The following KLHDC1 variants were observed in gnomAD, a reference collection of about 807,000 sequenced individuals.
KLHDC1 encodes the protein kelch domain containing 1.
Under a neutral mutation model 68.3 loss-of-function variants are expected in KLHDC1, and 53 were observed. The ratio of observed to expected loss-of-function variants is 0.78; its 90% confidence interval spans 0.62 to 0.98. The LOEUF (loss-of-function observed/expected upper bound fraction) is 0.98. Ranked by LOEUF, KLHDC1 falls within the 50% of genes least tolerant of loss-of-function variation. KLHDC1 has a pLI of 0.00. For synonymous variants in KLHDC1, 148 were observed against 159.0 expected (o/e 0.93, Z 0.52); for missense variants, 470 against 492.3 (o/e 0.95, Z 0.43).
intron 11 of KLHDC1, 148 bp from the exon 12 acceptor site, chr14:49,743,605 G>A: frequency 3.6e-6 from 2 of 561,792 alleles, no homozygotes; most frequent in Non-Finnish European, 6.4e-6. Flanking sequence ...GTGTGTGCAT[G>A]AATTTATGTG....
intron 1 of KLHDC1, among the ~76,000 whole-genome samples, chr14:49,697,170 C>A (rs1007927015): frequency 4.6e-5 from 7 of 152,148 alleles, no homozygotes; most frequent in Non-Finnish European, 7.4e-5. Flanking sequence ...CTCCTGACCT[C>A]GTGATCCGCC....
chr14:49,693,359 C>G, intron 1 of KLHDC1, 69 bp downstream of exon 1: 2 of 1,114,790 alleles, frequency 1.8e-6, no homozygotes, highest in South Asian at 4.5e-5. Flanking sequence ...ACGCAGCGCC[C>G]GCCACACCCG....
intron 1 of KLHDC1, among the ~76,000 whole-genome samples, chr14:49,700,409 C>G (rs1052351018): frequency 4.6e-5 from 7 of 151,974 alleles, no homozygotes; most frequent in Non-Finnish European, 8.8e-5. Flanking sequence ...ATAGCAAGAC[C>G]CTTGTCTCTG....
At chr14:49,735,365 AT>A (rs1258297555) in intron 10 of KLHDC1, among the ~76,000 whole-genome samples, 8 of 152,010 alleles carry the variant, frequency 5.3e-5, no homozygotes, top group African/African-American at 1.7e-4. Context: ...GTATTTTAGA[AT>A]TTTAAAAATA....
intron 4 of KLHDC1, among the ~76,000 whole-genome samples, chr14:49,715,759 AAAAAAAAT>A (rs1452264153): frequency 3.2e-4 from 33 of 103,162 alleles, no homozygotes; most frequent in South Asian, 3.2e-4. Flanking sequence ...AAAAAAAAAA[AAAAAAAAT>A]ATATATATAT....
At chr14:49,740,704 A>G (rs1019394553) in intron 11 of KLHDC1, among the ~76,000 whole-genome samples, 5 of 152,160 alleles carry the variant, frequency 3.3e-5, no homozygotes, top group African/African-American at 1.2e-4. Context: ...TAGGTCTATT[A>G]GTTTGATTAG....
chr14:49,747,112 A>T (rs912202043), intron 12 of KLHDC1, among the ~76,000 whole-genome samples: 2 of 152,014 alleles, frequency 1.3e-5, no homozygotes, highest in Non-Finnish European at 2.9e-5. Flanking sequence ...ACACCCGGCT[A>T]ATTTTTTGTA....
chr14:49,718,664 GCT>G (rs772470102), intron 4 of KLHDC1, among the ~76,000 whole-genome samples: 2 of 150,928 alleles, frequency 1.3e-5, no homozygotes, highest in African/African-American at 2.4e-5. Context: ...ATTTGAATCT[GCT>G]CTCTTTTTTC....
At position 49,752,482 on chromosome 14, in the gene KLHDC1, G is replaced by T. The variant is rs2139774913; in HGVS notation, c.*710G>T. The T allele has an allele frequency of 2.6e-5, 4 of 152,532 alleles. 2 individuals carry two copies. The Middle Eastern group carries it at 0.014, about 519-fold the overall frequency. 9.4% of individuals were successfully genotyped at this position (152,532 alleles called of 1,614,324 possible). A position where few individuals can be genotyped will look rare whatever the true frequency, so the allele number is the denominator to read the frequency against. ...AAGTGGAGGTTTATTTATCATACAG[G>T]CTTTGAAACATTAAGAAGCAGTATT... On this transcript the variant is annotated 3_prime_UTR_variant, in exon 13 of 13. Coordinates refer to ENST00000359332, the MANE Select transcript of KLHDC1 (RefSeq NM_172193.3).
At chr14:49,703,991 A>G (rs1041021944) in intron 1 of KLHDC1, among the ~76,000 whole-genome samples, 12 of 152,234 alleles carry the variant, frequency 7.9e-5, no homozygotes, top group African/African-American at 2.9e-4. Flanking sequence ...ATGTTGGATC[A>G]CTTGATATGC....
At chr14:49,701,180 T>C (rs996272599) in intron 1 of KLHDC1, among the ~76,000 whole-genome samples, 1 of 151,986 alleles carries the variant, frequency 6.6e-6, no homozygotes, top group Non-Finnish European at 1.5e-5. Context: ...ATTTCAAATC[T>C]GGGAAAATGA....
chr14:49,702,999 C>T (rs1369531059), intron 1 of KLHDC1, among the ~76,000 whole-genome samples: 1 of 152,166 alleles, frequency 6.6e-6, no homozygotes, highest in Non-Finnish European at 1.5e-5. Context: ...GCTGGTTCTC[C>T]AGCCTCCCTG....
intron 4 of KLHDC1, among the ~76,000 whole-genome samples, chr14:49,711,999 C>T (rs1176029732): frequency 7.1e-6 from 1 of 141,344 alleles, no homozygotes; most frequent in Non-Finnish European, 1.5e-5. Flanking sequence ...CTCACTGTAA[C>T]CTCTGCCTCC....
In KLHDC1 at chr14:49,725,769, A is replaced by G; in HGVS notation, c.567A>G (p.Lys189=). ...AGACTTGGTTTCAACCAGAAATTAA[A>G]GTAAGTGTGGTAAAAAGTCATCTTT... ...KTQTWFQPEI[K]GGVPPQPRAA... is the part of the protein sequence containing the mutation. The change falls in exon 6 of 13, where the codon AAA becomes AAG. Residue 189 remains lysine (K), a splice_region_variant and synonymous_variant. Coordinates refer to ENST00000359332, the MANE Select transcript of KLHDC1 (RefSeq NM_172193.3). 6.7e-7 allele frequency: 1 copy of G among 1,501,504 alleles called. No individual in the cohort carries two copies. Among genetic ancestry groups the G allele is most frequent in the East Asian group, 2.3e-5 (1 of 43,862 alleles). The allele number at this position is 1,501,504 out of a possible 1,614,324, so 93.0% of individuals were successfully genotyped here. A position where few individuals can be genotyped will look rare whatever the true frequency, so the allele number is the denominator to read the frequency against.
At chr14:49,717,553 T>C (rs1888412168) in intron 4 of KLHDC1, among the ~76,000 whole-genome samples, 1 of 152,172 alleles carries the variant, frequency 6.6e-6, no homozygotes, top group African/African-American at 2.4e-5. Context: ...AAAAAATGAG[T>C]CGTCTGTCTT....
intron 1 of KLHDC1, among the ~76,000 whole-genome samples, chr14:49,699,784 C>T (rs1290674956): frequency 6.6e-6 from 1 of 152,074 alleles, no homozygotes; most frequent in East Asian, 1.9e-4. Flanking sequence ...AGTAAATGGT[C>T]GATTCTAATT....
intron 1 of KLHDC1, among the ~76,000 whole-genome samples, chr14:49,699,360 A>G (rs548442115): frequency 5.9e-5 from 9 of 152,008 alleles, no homozygotes; most frequent in Admixed American, 2.6e-4. Context: ...TGTCTAAGGC[A>G]TAAGTGGAAG....
intron 1 of KLHDC1, among the ~76,000 whole-genome samples, chr14:49,700,754 G>A (rs898927009): frequency 2.0e-5 from 3 of 152,168 alleles, no homozygotes; most frequent in Non-Finnish European, 4.4e-5. Flanking sequence ...TTGACTTGAT[G>A]CAAGTAGAGA....
In KLHDC1 at chr14:49,740,112, C is replaced by T. The variant is rs1393806816; in HGVS notation, c.911C>T (p.Ala304Val). ...PKTRPRLWHT[A>V]CLGKENEIMV... ...TTCAATCATAGGTTATGGCACACAG[C>T]CTGTTTGGGAAAAGAAAATGAAATA... Residue 304 changes from alanine to valine, a missense_variant, in exon 11 of 13, where the codon GCC (alanine) becomes GTC (valine). Ala to Val is a moderately conservative substitution (Grantham distance 64). Coordinates refer to ENST00000359332, the MANE Select transcript of KLHDC1 (RefSeq NM_172193.3). 9 of 1,608,634 alleles carry T rather than the reference C, an allele frequency of 5.6e-6. No homozygotes were observed. Among genetic ancestry groups the T allele is most frequent in the African/African-American group, 2.7e-5 (2 of 74,720 alleles).
Sources: allele counts gnomAD v4.1 joint callset (sites outside exome capture counted in the v4.1 genomes callset), GRCh38; gene constraint gnomAD v4.1.1; transcripts MANE v1.5; gene names NCBI Gene and HGNC (gene_info 2026-07-23, HGNC 2026-07-21).